The following HTR1F variants were observed in gnomAD, a reference collection of about 807,000 sequenced individuals.
The protein encoded by HTR1F is 5-hydroxytryptamine (serotonin) receptor 1F, G protein-coupled.
Under a neutral mutation model 24.0 loss-of-function variants are expected in HTR1F, and 17 were observed. The ratio of observed to expected loss-of-function variants is 0.71; its 90% confidence interval spans 0.48 to 1.06. The LOEUF is 1.06. HTR1F is among the 50% of genes least tolerant of loss of function. The pLI is 0.00. For missense variants in HTR1F, 391 were observed against 427.8 expected (o/e 0.91, Z 0.76); for synonymous variants, 186 against 156.8 (o/e 1.19, Z -1.39).
At chr3:87,929,586 C>G (rs1704211451) in intron 2 of HTR1F, among the ~76,000 whole-genome samples, 1 of 152,076 alleles carries the variant, frequency 6.6e-6, no homozygotes, top group Non-Finnish European at 1.5e-5. Context: ...TTTTTGTCAA[C>G]TTTGTGGAAG....
At chr3:87,946,841 G>A (rs1032308276) in intron 2 of HTR1F, among the ~76,000 whole-genome samples, 7 of 151,882 alleles carry the variant, frequency 4.6e-5, no homozygotes, top group Non-Finnish European at 1.0e-4. Context: ...TAGCCAGGAT[G>A]GTCTTGATCT....
rs1189085273 is a variant in HTR1F, at chr3:87,795,186, A to T, written c.-160+2344A>T. Among the ~76,000 whole-genome samples, 56 of 152,142 alleles carry T rather than the reference A, an allele frequency of 3.7e-4. No homozygotes were observed. In the East Asian group the frequency reaches 6.0e-3, roughly 16 times the overall value. On this transcript the variant is annotated intron_variant, in intron 1 of 2. Transcript: ENST00000319595. Reference sequence around the variant, plus strand: ...TTTTTAGTAGAAACAAGGTTTCACCATGTTGGCCAGGATGGTCTCGATCTC... The same window carrying T: ...TTTTTAGTAGAAACAAGGTTTCACCTTGTTGGCCAGGATGGTCTCGATCTC...
rs1298556003 is a variant in HTR1F at position 87,939,782 on chromosome 3, T to C, written c.-42-50926T>C. Among the ~76,000 whole-genome samples, 3 of 152,122 alleles carry C rather than the reference T, an allele frequency of 2.0e-5. No individual in the cohort carries two copies. The East Asian group carries it at 5.8e-4, about 29-fold the overall frequency. On this transcript the variant is annotated intron_variant, in intron 2 of 2. Coordinates refer to ENST00000319595, the MANE Select transcript of HTR1F (RefSeq NM_001322209.2). ...CTTCTTGATTAGTCTGCTAACAGTC[T>C]ATCTATTTTGACAATCTTTTCACAA...
chr3:87,803,030 C>T (rs553114852), intron 1 of HTR1F, among the ~76,000 whole-genome samples: 12 of 152,210 alleles, frequency 7.9e-5, no homozygotes, highest in African/African-American at 2.9e-4. Context: ...ATGGAGCTGT[C>T]TATTCTTACC....
chr3:87,811,289 A>G (rs1704156671), intron 1 of HTR1F, among the ~76,000 whole-genome samples: 1 of 152,024 alleles, frequency 6.6e-6, no homozygotes, highest in Non-Finnish European at 1.5e-5. Flanking sequence ...AAAAAAAAAA[A>G]AGCCTTCCTA....
At chr3:87,900,921 T>C (rs1269745649) in intron 2 of HTR1F, among the ~76,000 whole-genome samples, 1 of 152,064 alleles carries the variant, frequency 6.6e-6, no homozygotes, top group African/African-American at 2.4e-5. Context: ...ATGTATAGGA[T>C]CCCAGAATAG....
intron 2 of HTR1F, among the ~76,000 whole-genome samples, chr3:87,948,114 T>C (rs1226363658): frequency 1.3e-5 from 2 of 152,210 alleles, no homozygotes; most frequent in African/African-American, 2.4e-5. Flanking sequence ...CCTATCATCA[T>C]AGAAAAGTAA....
intron 2 of HTR1F, among the ~76,000 whole-genome samples, chr3:87,976,661 A>G (rs1705401092): frequency 6.6e-6 from 1 of 152,214 alleles, no homozygotes; most frequent in Admixed American, 6.5e-5. Flanking sequence ...AGCTATTGTC[A>G]CCCCTGATTT....
At chr3:87,934,612 G>A (rs1467261584) in intron 2 of HTR1F, among the ~76,000 whole-genome samples, 3 of 152,150 alleles carry the variant, frequency 2.0e-5, no homozygotes, top group Non-Finnish European at 2.9e-5. Flanking sequence ...TCACTCCTTT[G>A]CTTGACTTCA....
At chr3:87,809,104 T>C (rs1436885368) in intron 1 of HTR1F, among the ~76,000 whole-genome samples, 1 of 151,888 alleles carries the variant, frequency 6.6e-6, no homozygotes, top group Non-Finnish European at 1.5e-5. Flanking sequence ...ATTTACTTAA[T>C]TCTTATATGA....
intron 2 of HTR1F, among the ~76,000 whole-genome samples, chr3:87,836,797 A>G (rs990323849): frequency 6.6e-6 from 1 of 152,154 alleles, no homozygotes; most frequent in Non-Finnish European, 1.5e-5. Flanking sequence ...AACATTAGAG[A>G]AAAACAAAAA....
chr3:87,873,169 C>A (rs1246613854), intron 2 of HTR1F, among the ~76,000 whole-genome samples: 1 of 150,748 alleles, frequency 6.6e-6, no homozygotes, highest in East Asian at 2.0e-4. Flanking sequence ...AGAATTGGTT[C>A]ATATGCTTAT....
At chr3:87,872,448 A>C (rs1705578851) in intron 2 of HTR1F, among the ~76,000 whole-genome samples, 1 of 152,096 alleles carries the variant, frequency 6.6e-6, no homozygotes, top group Non-Finnish European at 1.5e-5. Context: ...AAGGTGAAAC[A>C]GAATAGAAAA....
At chr3:87,816,021 T>A (rs1704243967) in intron 1 of HTR1F, among the ~76,000 whole-genome samples, 1 of 152,092 alleles carries the variant, frequency 6.6e-6, no homozygotes, top group African/African-American at 2.4e-5. Context: ...TCAGTTTCAT[T>A]TGCAGAGAAG....
intron 2 of HTR1F, among the ~76,000 whole-genome samples, chr3:87,840,178 C>T (rs956345482): frequency 6.6e-6 from 1 of 152,028 alleles, no homozygotes; most frequent in African/African-American, 2.4e-5. Flanking sequence ...TGTTCATGTC[C>T]TTTGTTCACT....
intron 2 of HTR1F, among the ~76,000 whole-genome samples, chr3:87,932,896 AC>A (rs1349398193): frequency 6.6e-6 from 1 of 151,316 alleles, no homozygotes; most frequent in Non-Finnish European, 1.5e-5. Flanking sequence ...CAGAGACACA[AC>A]CAAAAAAGAG....
intron 2 of HTR1F, among the ~76,000 whole-genome samples, chr3:87,931,658 C>G (rs1215343487): frequency 6.6e-6 from 1 of 152,022 alleles, no homozygotes; most frequent in Non-Finnish European, 1.5e-5. Context: ...AGTTTACAGT[C>G]CCACCAACAG....
intron 2 of HTR1F, among the ~76,000 whole-genome samples, chr3:87,906,871 ACTT>A (rs745755532): frequency 9.2e-5 from 14 of 151,932 alleles, no homozygotes; most frequent in Non-Finnish European, 1.5e-4. Flanking sequence ...TTATTTTGTT[ACTT>A]CTTATGGCTG....
intron 2 of HTR1F, among the ~76,000 whole-genome samples, chr3:87,904,685 G>T (rs1472629384): frequency 2.0e-5 from 3 of 152,070 alleles, no homozygotes; most frequent in African/African-American, 7.2e-5. Flanking sequence ...ACTACTGCAT[G>T]CAACAATATG....
Sources: gnomAD v4.1 joint callset for allele counts (sites outside exome capture counted in the v4.1 genomes callset) on GRCh38, gnomAD v4.1.1 for gene constraint, MANE v1.5 for transcripts, NCBI Gene and HGNC (gene_info 2026-07-23, HGNC 2026-07-21) for gene names.